FOXP1: variants seen among roughly 807,000 people sequenced by gnomAD.
FOXP1 encodes forkhead box protein P1.
Under a neutral mutation model 98.2 loss-of-function variants are expected in FOXP1, and 15 were observed. The ratio of observed to expected loss-of-function variants is 0.15; its 90% CI spans 0.10 to 0.24. The LOEUF (loss-of-function observed/expected upper bound fraction) is 0.24. Ranked by LOEUF, FOXP1 falls within the 10% of genes least tolerant of loss-of-function variation. The pLI is 1.00. For synonymous variants in FOXP1, 371 were observed against 314.5 expected, an observed-to-expected ratio of 1.18 and a Z score of -1.90; for missense variants, 633 against 848.5, an observed-to-expected ratio of 0.75 and a Z score of 3.15.
intron 2 of FOXP1, among the ~76,000 whole-genome samples, chr3:71,528,261 A>T (rs575296742): frequency 6.6e-6 from 1 of 152,344 alleles, no homozygotes; most frequent in Non-Finnish European, 1.5e-5. Flanking sequence ...AGAATTCCCT[A>T]ACTTTCAAAC....
chr3:71,047,993 G>A (rs1253067792), intron 9 of FOXP1, among the ~76,000 whole-genome samples: 1 of 152,144 alleles, frequency 6.6e-6, no homozygotes, highest in East Asian at 1.9e-4. Flanking sequence ...CTGAGTGATA[G>A]AAAGATAATA....
intron 6 of FOXP1, among the ~76,000 whole-genome samples, chr3:71,139,447 A>G (rs1222792058): frequency 6.6e-6 from 1 of 151,958 alleles, no homozygotes; most frequent in African/African-American, 2.4e-5. Context: ...CACATTTGCT[A>G]TTAGTGTTTA....
chr3:71,038,701 T>C (rs576489819), intron 11 of FOXP1, among the ~76,000 whole-genome samples: 8 of 152,156 alleles, frequency 5.3e-5, no homozygotes, highest in African/African-American at 1.7e-4. Context: ...TCTTGCTTTG[T>C]TGCCCAGGCT....
intron 2 of FOXP1, among the ~76,000 whole-genome samples, chr3:71,511,679 T>C (rs191001115): frequency 1.3e-5 from 2 of 152,350 alleles, no homozygotes; most frequent in East Asian, 1.9e-4. Context: ...CATGTCTACA[T>C]TATTCTCCAT....
chr3:71,579,232 GAA>G (rs1052431918), intron 2 of FOXP1, among the ~76,000 whole-genome samples: 1 of 146,442 alleles, frequency 6.8e-6, no homozygotes, highest in African/African-American at 2.5e-5. Context: ...GTTTATCCCA[GAA>G]AAAAAAAAGT....
chr3:71,297,639 A>G (rs1364501782), intron 5 of FOXP1, among the ~76,000 whole-genome samples: 2 of 139,762 alleles, frequency 1.4e-5, no homozygotes, highest in Non-Finnish European at 3.1e-5. Context: ...TTTTTCAGAC[A>G]GAGTCTCCTT....
At chr3:71,348,553 G>GTGTGTGTGTGCGCGCGCGCGCGCGCA (rs1553853270) in intron 4 of FOXP1, among the ~76,000 whole-genome samples, 2 of 130,638 alleles carry the variant, frequency 1.5e-5, no homozygotes, top group African/African-American at 6.3e-5. Context: ...GTGTGTGCGT[G>GTGTGTGTGTGCGCGCGCGCGCGCGCA]CGCGCGCGCA....
At chr3:71,157,826 C>T (rs1174383827) in intron 6 of FOXP1, among the ~76,000 whole-genome samples, 2 of 151,730 alleles carry the variant, frequency 1.3e-5, no homozygotes, top group Non-Finnish European at 2.9e-5. Context: ...GTGGCTCATG[C>T]CTATAATCCC....
intron 6 of FOXP1, among the ~76,000 whole-genome samples, chr3:71,116,055 A>C (rs980020899): frequency 6.6e-6 from 1 of 152,194 alleles, no homozygotes; most frequent in African/African-American, 2.4e-5. Context: ...CTATTCTTAC[A>C]TGAGCATGGT....
intron 5 of FOXP1, among the ~76,000 whole-genome samples, chr3:71,214,441 C>T (rs965835849): frequency 3.3e-5 from 5 of 152,124 alleles, no homozygotes; most frequent in African/African-American, 9.7e-5. Flanking sequence ...ACAGGGTCAA[C>T]GGCGGGACCA....
chr3:71,370,829 T>TCTTG (rs2079256734), intron 3 of FOXP1, among the ~76,000 whole-genome samples: 1 of 139,790 alleles, frequency 7.2e-6, no homozygotes, highest in Non-Finnish European at 1.5e-5. Flanking sequence ...TGAGAAGGAG[T>TCTTG]CTTGCTCTGT....
intron 3 of FOXP1, among the ~76,000 whole-genome samples, chr3:71,465,402 G>A (rs1475208320): frequency 2.0e-5 from 3 of 152,012 alleles, no homozygotes; most frequent in African/African-American, 7.2e-5. Context: ...ATGAAGTGGA[G>A]ACTAATATGA....
chr3:71,268,247 C>T (rs994413038), intron 5 of FOXP1, among the ~76,000 whole-genome samples: 8 of 151,790 alleles, frequency 5.3e-5, no homozygotes, highest in African/African-American at 1.9e-4. Context: ...CCCGCCACCT[C>T]GCCCGGCTAA....
rs913003790 is a variant in FOXP1 at position 71,198,294 on chromosome 3, C to T, written c.88G>A (p.Gly30Ser). Residue 30 changes from glycine to serine, a missense_variant, in exon 6 of 21, where the codon GGC becomes AGC. Transcript: ENST00000649528. ...TTGGACCGCCCCTCCCGAAGACCGC[C>T]GCACTCTAGTAAGTGGTTGCTGCCG... ...SGGSNHLLEC[G>S]GLREGRSNGE... 1.9e-6 allele frequency: 3 copies of T among 1,614,130 alleles called. No homozygotes were observed. The highest frequency in any genetic ancestry group is 1.1e-5 in the South Asian group (1 of 91,082).
chr3:70,997,388 G>A lies in FOXP1; in HGVS notation c.1062+3584C>T, dbSNP rs373820015. 1.1e-4 allele frequency among the ~76,000 whole-genome samples: 16 copies of A among 152,268 alleles called. No individual in the cohort carries two copies. In the South Asian group the frequency reaches 3.3e-3, roughly 32 times the overall value. On this transcript the variant is annotated intron_variant, in intron 13 of 20. Coordinates refer to ENST00000649528, the MANE Select transcript of FOXP1 (RefSeq NM_001349338.3). ...GCAATGCTGAACTGCGGAGAAGGAG[G>A]AAGCCTATAAAGAATAGATTCGAGT...
chr3:71,474,025 A>T (rs1421906934), intron 3 of FOXP1, among the ~76,000 whole-genome samples: 3 of 152,224 alleles, frequency 2.0e-5, no homozygotes, highest in Non-Finnish European at 2.9e-5. Flanking sequence ...ATAAAAGATA[A>T]TATGGCAATA....
At chr3:71,120,598 G>T (rs886589383) in intron 6 of FOXP1, among the ~76,000 whole-genome samples, 2 of 152,162 alleles carry the variant, frequency 1.3e-5, no homozygotes, top group South Asian at 4.2e-4. Flanking sequence ...AAGTGGAAAG[G>T]GACAAGAAAT....
chr3:71,390,411 C>T (rs550077111), intron 3 of FOXP1, among the ~76,000 whole-genome samples: 1 of 152,308 alleles, frequency 6.6e-6, no homozygotes, highest in South Asian at 2.1e-4. Context: ...CCCACCTTCT[C>T]TGTAAGCAGG....
At chr3:71,020,867 C>T (rs2045326799) in intron 11 of FOXP1, among the ~76,000 whole-genome samples, 1 of 152,128 alleles carries the variant, frequency 6.6e-6, no homozygotes, top group Non-Finnish European at 1.5e-5. Context: ...CAAAAGGCTA[C>T]GTACATCTGT....
Sources: gnomAD v4.1 joint callset for allele counts (sites outside exome capture counted in the v4.1 genomes callset) on GRCh38, gnomAD v4.1.1 for gene constraint, MANE v1.5 for transcripts, NCBI Gene and HGNC (gene_info 2026-07-23, HGNC 2026-07-21) for gene names.